Variants in LPP observed in about 807,000 individuals in gnomAD.
LPP encodes lipoma-preferred partner.
LPP carries 38 observed loss-of-function variants against 60.4 expected under a neutral mutation model. That is an observed-to-expected ratio of 0.63 (90% confidence interval 0.49 to 0.83). LPP has a LOEUF of 0.83. LPP is among the 40% of genes least tolerant of loss of function. LPP has a pLI of 0.00. For missense variants in LPP, 902 were observed against 783.6 expected (o/e 1.15, Z -1.80); for synonymous variants, 328 against 290.8 (o/e 1.13, Z -1.30).
intron 10 of LPP, 81 bp downstream of exon 10, chr3:188,866,459 C>T (rs1004317055): frequency 1.8e-4 from 202 of 1,153,572 alleles, no homozygotes; most frequent in Non-Finnish European, 2.2e-4. Flanking sequence ...GGCATACATT[C>T]TTCTCTCTCA....
At chr3:188,675,417 G>A (rs1197885133) in intron 7 of LPP, among the ~76,000 whole-genome samples, 1 of 152,200 alleles carries the variant, frequency 6.6e-6, no homozygotes, top group African/African-American at 2.4e-5. Context: ...ACAAAGCAAA[G>A]AAGTAAATAA....
chr3:188,494,110 C>T (rs924446949), intron 5 of LPP, among the ~76,000 whole-genome samples: 5 of 152,048 alleles, frequency 3.3e-5, no homozygotes, highest in East Asian at 3.9e-4. Context: ...AGGGTATATA[C>T]GTTCAGTCTT....
intron 2 of LPP, among the ~76,000 whole-genome samples, chr3:188,305,166 T>A (rs7649933): frequency 1.3e-5 from 2 of 152,154 alleles, no homozygotes; most frequent in South Asian, 4.1e-4. Flanking sequence ...AAAAAATTAA[T>A]CTCTATATAC....
intron 5 of LPP, among the ~76,000 whole-genome samples, chr3:188,500,972 A>G (rs1356066343): frequency 6.6e-6 from 1 of 151,482 alleles, no homozygotes; most frequent in Non-Finnish European, 1.5e-5. Flanking sequence ...AGGTTTGTCA[A>G]TTTTGTTGAT....
At chr3:188,754,049 T>C (rs1729279755) in intron 8 of LPP, among the ~76,000 whole-genome samples, 2 of 152,216 alleles carry the variant, frequency 1.3e-5, no homozygotes, top group South Asian at 4.2e-4. Flanking sequence ...CCCAAGAAAA[T>C]AGTGAGAACT....
At chr3:188,161,310 G>C (rs1282805435) in intron 1 of LPP, among the ~76,000 whole-genome samples, 5 of 152,216 alleles carry the variant, frequency 3.3e-5, no homozygotes, top group Admixed American at 3.3e-4. Flanking sequence ...TCCAGGACAG[G>C]AGAAATGGGC....
chr3:188,400,189 A>C (rs956507886), intron 3 of LPP, among the ~76,000 whole-genome samples: 1 of 152,200 alleles, frequency 6.6e-6, no homozygotes, highest in Admixed American at 6.5e-5. Flanking sequence ...TGGAAATAAT[A>C]AGAGCAAAAA....
At position 188,738,672 on chromosome 3, in the gene LPP, G is replaced by C. The variant is rs573342683; in HGVS notation, c.1241-21441G>C. On this transcript the variant is annotated intron_variant, in intron 8 of 11. Transcript: ENST00000617246. ...AAAAGTCTCTTAGTTGCTACACCCAGCAACTAAGTGTCCTTTAATTCTTAA... is the reference window on the plus strand; with the variant it reads ...AAAAGTCTCTTAGTTGCTACACCCACCAACTAAGTGTCCTTTAATTCTTAA... 8.5e-5 allele frequency among the ~76,000 whole-genome samples: 13 copies of C among 152,254 alleles called. 1 individual carries two copies. The East Asian group carries it at 2.5e-3, about 29-fold the overall frequency.
intron 4 of LPP, among the ~76,000 whole-genome samples, chr3:188,417,190 T>C (rs1489044731): frequency 6.6e-6 from 1 of 152,050 alleles, no homozygotes; most frequent in Non-Finnish European, 1.5e-5. Flanking sequence ...TACATTGTTC[T>C]GTATGTCGCT....
At chr3:188,527,348 G>GA (rs57075465) in intron 6 of LPP, among the ~76,000 whole-genome samples, 1,557 of 73,602 alleles carry the variant, frequency 0.021, 42 homozygotes, top group African/African-American at 0.069. Flanking sequence ...GACTCCATCT[G>GA]AAAAAAAAAA....
intron 8 of LPP, among the ~76,000 whole-genome samples, chr3:188,752,749 C>T (rs1216921391): frequency 2.6e-5 from 4 of 152,188 alleles, no homozygotes; most frequent in Non-Finnish European, 4.4e-5. Context: ...CTAGCCATCA[C>T]TGCATTCCAA....
At chr3:188,571,396 G>A (rs1833509426) in intron 6 of LPP, among the ~76,000 whole-genome samples, 1 of 151,872 alleles carries the variant, frequency 6.6e-6, no homozygotes, top group Non-Finnish European at 1.5e-5. Context: ...AGGACTGTAT[G>A]CAAATGTTTC....
At chr3:188,523,847 G>C (rs927983039) in intron 5 of LPP, among the ~76,000 whole-genome samples, 2 of 152,014 alleles carry the variant, frequency 1.3e-5, no homozygotes, top group African/African-American at 4.8e-5. Flanking sequence ...CACTTTAAAA[G>C]GTTATTTTTT....
chr3:188,537,848 C>G (rs898760561), intron 6 of LPP, among the ~76,000 whole-genome samples: 1 of 152,078 alleles, frequency 6.6e-6, no homozygotes, highest in African/African-American at 2.4e-5. Context: ...TCAAAACTTT[C>G]TTTCAAATGA....
At chr3:188,826,468 G>T (rs1488422030) in intron 9 of LPP, among the ~76,000 whole-genome samples, 1 of 152,130 alleles carries the variant, frequency 6.6e-6, no homozygotes, top group Non-Finnish European at 1.5e-5. Context: ...TGTATACAAG[G>T]AGAGATGTGC....
At chr3:188,753,835 T>C (rs576292231) in intron 8 of LPP, among the ~76,000 whole-genome samples, 3 of 152,016 alleles carry the variant, frequency 2.0e-5, no homozygotes, top group Admixed American at 1.3e-4. Context: ...GAAACAGACA[T>C]TGGAGCCACC....
At chr3:188,607,186 C>A (rs1441233807) in intron 6 of LPP, among the ~76,000 whole-genome samples, 2 of 147,380 alleles carry the variant, frequency 1.4e-5, no homozygotes, top group Non-Finnish European at 3.0e-5. Context: ...ATCCTGAAGT[C>A]TTTGAATTAA....
At chr3:188,303,356 G>A (rs1019924733) in intron 2 of LPP, among the ~76,000 whole-genome samples, 7 of 152,316 alleles carry the variant, frequency 4.6e-5, no homozygotes, top group African/African-American at 1.4e-4. Flanking sequence ...AGAGAACTTT[G>A]TTTTGTTCAT....
Position 188,335,892 on chromosome 3 carries a change from T to C in LPP, c.-66-5771T>C, listed in dbSNP as rs1228782169. 2.0e-5 allele frequency among the ~76,000 whole-genome samples: 3 copies of C among 152,260 alleles called. No homozygotes were observed. The South Asian group carries it at 6.2e-4, about 32-fold the overall frequency. ...GGAGTGGTTTTCATAAAAAAAGACT[T>C]CCGCTTGCAATTAGGGTTGGTGTTA... On this transcript the variant is annotated intron_variant, in intron 2 of 11. Coordinates refer to ENST00000617246, the MANE Select transcript of LPP (RefSeq NM_001375462.1).
Sources: gnomAD v4.1 joint callset for allele counts (sites outside exome capture counted in the v4.1 genomes callset) on GRCh38, gnomAD v4.1.1 for gene constraint, MANE v1.5 for transcripts, NCBI Gene and HGNC (gene_info 2026-07-23, HGNC 2026-07-21) for gene names.